Variants in SLCO1A2 observed in about 807,000 individuals in gnomAD.
SLCO1A2 encodes the protein solute carrier organic anion transporter family member 1A2.
A neutral mutation model predicts 69.0 loss-of-function variants in SLCO1A2; 67 were observed. That is an observed-to-expected ratio of 0.97 (90% CI 0.80 to 1.19). SLCO1A2 has a LOEUF of 1.19. SLCO1A2 is among the 50% of genes most tolerant of loss of function. The pLI, the probability that SLCO1A2 is intolerant of heterozygous loss-of-function variation, is 0.00. For synonymous variants in SLCO1A2, 260 were observed against 265.9 expected (o/e 0.98, Z 0.22); for missense variants, 787 against 793.7 (o/e 0.99, Z 0.10).
chr12:21,419,518 A>C (rs189796170), upstream of SLCO1A2: 2 of 150,470 alleles, frequency 1.3e-5, no homozygotes, highest in South Asian at 2.1e-4. Flanking sequence ...TGACGGGCTT[A>C]AAAAATGGTG....
intron 9 of SLCO1A2, 60 bp from the exon 10 acceptor site, chr12:21,295,852 T>C (rs891919180): frequency 1.1e-6 from 1 of 939,562 alleles, no homozygotes; most frequent in Admixed American, 2.3e-5. Flanking sequence ...AAATATGTTA[T>C]CACTTTTATG....
chr12:21,297,222 TTTCC>T (rs1272030316), intron 9 of SLCO1A2, among the ~76,000 whole-genome samples, 178 bp downstream of exon 9: 2 of 125,678 alleles, frequency 1.6e-5, no homozygotes, highest in African/African-American at 3.5e-5. Context: ...TCCTTCCTTC[TTTCC>T]TTCCTTCTTT....
In SLCO1A2 at chr12:21,371,394, T is replaced by G. The variant is rs1170179538; in HGVS notation, c.-63+3005A>C. Among the ~76,000 whole-genome samples, 4 of 140,716 alleles carry G rather than the reference T, an allele frequency of 2.8e-5. No homozygotes were observed. The East Asian group carries it at 7.9e-4, about 28-fold the overall frequency. 92.3% of individuals were successfully genotyped at this position (140,716 alleles called of 152,430 possible). A position where few individuals can be genotyped will look rare whatever the true frequency, so the allele number is the denominator to read the frequency against. On this transcript the variant is annotated intron_variant, in intron 2 of 15. Transcript: ENST00000307378. The stretch of plus-strand genomic sequence containing the variant: ...TACGGAAATGCATTATCCTTCCATT[T>G]CTTTTGATTTTTTTTCTTTTGGAAT...
At chr12:21,322,408 C>T (rs528899374) in intron 2 of SLCO1A2, among the ~76,000 whole-genome samples, 2 of 152,312 alleles carry the variant, frequency 1.3e-5, no homozygotes, top group Admixed American at 1.3e-4. Flanking sequence ...TTTAGAGAGA[C>T]ATAATACGTC....
chr12:21,304,571 A>T lies in SLCO1A2; in HGVS notation c.445T>A (p.Cys149Ser). The T allele has an allele frequency of 4.4e-6, 7 of 1,580,184 alleles. No homozygotes were observed. The highest frequency in any genetic ancestry group is 6.0e-6 in the Non-Finnish European group (7 of 1,170,776). ...ILRPTQDPSE[C>S]TKEVKSLMWV... is the part of the protein sequence containing the mutation. ...ATTAATGATTTAACTTCCTTTGTACACTCTGCATTAAAAAAAAAAGACATG... is the reference window on the plus strand; with the variant it reads ...ATTAATGATTTAACTTCCTTTGTACTCTCTGCATTAAAAAAAAAAGACATG... The change falls in exon 6 of 15, where the codon TGT becomes AGT. Residue 149 changes from cysteine (C) to serine (S), a missense_variant and splice_region_variant. Transcript: ENST00000683939.
At chr12:21,398,583 C>T (rs1340248373), upstream of SLCO1A2, among the ~76,000 whole-genome samples, 7 of 151,834 alleles carry the variant, frequency 4.6e-5, no homozygotes, top group African/African-American at 1.7e-4. Flanking sequence ...AAAAGAGATT[C>T]TTAGACCAAT....
At chr12:21,328,049 T>C (rs1952369058) in intron 2 of SLCO1A2, among the ~76,000 whole-genome samples, 1 of 152,150 alleles carries the variant, frequency 6.6e-6, no homozygotes. Context: ...TGAATAAGTC[T>C]CACAAGCTCT....
chr12:21,273,275 A>G (rs1183685816), intron 14 of SLCO1A2, among the ~76,000 whole-genome samples: 2 of 151,288 alleles, frequency 1.3e-5, no homozygotes, highest in Non-Finnish European at 3.0e-5. Context: ...ATGGACAACA[A>G]GCTACCTGCC....
upstream of SLCO1A2, chr12:21,419,135 CTT>C (rs1461275951): frequency 3.3e-5 from 5 of 152,160 alleles, no homozygotes; most frequent in Non-Finnish European, 7.3e-5. Context: ...AATAAAGCCT[CTT>C]TGGTTTCTTC....
chr12:21,377,828 T>C (rs960437791), intron 1 of SLCO1A2, among the ~76,000 whole-genome samples: 4 of 152,200 alleles, frequency 2.6e-5, no homozygotes, highest in Non-Finnish European at 4.4e-5. Flanking sequence ...ATTGGAAAGA[T>C]GTAGAAATAA....
At chr12:21,333,229 T>C (rs1952720832) in intron 2 of SLCO1A2, among the ~76,000 whole-genome samples, 2 of 152,128 alleles carry the variant, frequency 1.3e-5, no homozygotes, top group South Asian at 4.1e-4. Context: ...AGAAATTAGA[T>C]GGATCATGAC....
intron 1 of SLCO1A2, among the ~76,000 whole-genome samples, chr12:21,404,987 G>A (rs940763742): frequency 6.6e-6 from 1 of 152,080 alleles, no homozygotes; most frequent in Admixed American, 6.5e-5. Context: ...CTAATGATCA[G>A]CGATGTTGAA....
At chr12:21,371,948 G>A (rs1326197314) in intron 2 of SLCO1A2, among the ~76,000 whole-genome samples, 3 of 151,830 alleles carry the variant, frequency 2.0e-5, no homozygotes, top group Non-Finnish European at 4.4e-5. Flanking sequence ...GTTACAGTGA[G>A]CCGAGATCGC....
chr12:21,307,051 T>A, intron 4 of SLCO1A2, 63 bp from the exon 5 acceptor site: 1 of 1,136,028 alleles, frequency 8.8e-7, no homozygotes, highest in Non-Finnish European at 1.3e-6. Context: ...GTGGGCAATG[T>A]GCAGATTGTT....
At chr12:21,312,789 T>C (rs1440204619) in intron 4 of SLCO1A2, among the ~76,000 whole-genome samples, 1 of 152,100 alleles carries the variant, frequency 6.6e-6, no homozygotes, top group African/African-American at 2.4e-5. Flanking sequence ...ATTCACCATC[T>C]TAAGACCAGC....
intron 2 of SLCO1A2, among the ~76,000 whole-genome samples, chr12:21,357,639 T>G (rs578027867): frequency 1.3e-5 from 2 of 152,338 alleles, no homozygotes; most frequent in Non-Finnish European, 2.9e-5. Flanking sequence ...GAATGAATAA[T>G]TCAAGCATTA....
chr12:21,386,284 A>G (rs1378123571), intron 1 of SLCO1A2, among the ~76,000 whole-genome samples: 2 of 152,224 alleles, frequency 1.3e-5, no homozygotes, highest in African/African-American at 2.4e-5. Flanking sequence ...TATTAAAAAA[A>G]CAATATCTGC....
intron 12 of SLCO1A2, among the ~76,000 whole-genome samples, chr12:21,277,469 G>A (rs1291281084): frequency 6.9e-6 from 1 of 144,910 alleles, no homozygotes; most frequent in Non-Finnish European, 1.5e-5. Flanking sequence ...CACATTCAGA[G>A]CTGTGGCAGC....
chr12:21,328,731 G>T (rs1952418511), intron 2 of SLCO1A2, among the ~76,000 whole-genome samples: 1 of 150,768 alleles, frequency 6.6e-6, no homozygotes, highest in African/African-American at 2.5e-5. Context: ...ACTTAGGGCA[G>T]GAGGGATTTC....
Sources: gnomAD v4.1 joint callset for allele counts (sites outside exome capture counted in the v4.1 genomes callset) on GRCh38, gnomAD v4.1.1 for gene constraint, MANE v1.5 for transcripts, NCBI Gene and HGNC (gene_info 2026-07-23, HGNC 2026-07-21) for gene names.